Variants in PERM1 observed in about 807,000 individuals in gnomAD.
PERM1 encodes the protein PPARGC1 and ESRR induced regulator, muscle 1, also known as PGC-1 and ERR-induced regulator in muscle protein 1.
PERM1 carries 45 observed loss-of-function variants against 44.1 expected under a neutral mutation model. The ratio of observed to expected loss-of-function variants is 1.02; its 90% CI spans 0.80 to 1.31. PERM1 has a LOEUF of 1.31. Ranked by LOEUF, PERM1 falls within the 50% of genes most tolerant of loss-of-function variation. PERM1 has a pLI of 0.00. For missense variants in PERM1, 1,189 were observed against 1,106.9 expected, an observed-to-expected ratio of 1.07 and a Z score of -1.05; for synonymous variants, 565 against 477.1, an observed-to-expected ratio of 1.18 and a Z score of -2.40.
rs532401654 is a variant in PERM1 at position 979,536 on chromosome 1, G to T, written c.1494C>A (p.Val498=). The change falls in exon 1 of 3, where the codon GTC becomes GTA. Residue 498 remains valine (V), a synonymous_variant. Coordinates refer to ENST00000433179, the Ensembl canonical transcript of PERM1. ...AGAAGCGCACTTTCTTCTTCCTGGG[G>T]ACTTGGGTGAGACCCAGTGCGGGTG... 6.5e-6 allele frequency: 10 copies of T among 1,550,008 alleles called. No homozygotes were observed. The South Asian group carries it at 8.3e-5, about 13-fold the overall frequency.
chr1:980,186 TG>T lies in PERM1; in HGVS notation c.843del (p.Thr282ArgfsTer142), dbSNP rs1557660275. On this transcript the variant is annotated frameshift_variant, in exon 1 of 3. Coordinates refer to ENST00000433179, the Ensembl canonical transcript of PERM1. LOFTEE classifies it high-confidence loss of function. ...TCTGGGAGGGCTTCCCAGACAGTCG[TG>T]GACACTGTGTGCAGCTTGGCTCGGC... 1.9e-6 allele frequency: 3 copies of T among 1,550,418 alleles called. No homozygotes were observed. Among genetic ancestry groups the T allele is most frequent in the South Asian group, 2.4e-5 (2 of 84,062 alleles).
At chr1:976,253 G>C (rs1160505064) in exon 3 of PERM1, 1 of 1,526,370 alleles carries the variant, frequency 6.6e-7, no homozygotes, top group Non-Finnish European at 8.8e-7. Context: ...AGATGGTGCC[G>C]ACGTTGGCCA....
chr1:981,067 G>A (rs1003863211), upstream of PERM1: 3 of 1,545,994 alleles, frequency 1.9e-6, no homozygotes, highest in East Asian at 2.4e-5. Context: ...AGCAGAATGG[G>A]TCCGGTGGGG....
chr1:978,049 C>G lies in PERM1; in HGVS notation c.2149+832G>C, dbSNP rs865983788. ...CCAACCCCAGGAACCGCCTCCCAAC[C>G]CCCCCCAACCCCAGGAACTGCCTGC... On this transcript the variant is annotated intron_variant, in intron 1 of 2. Transcript: ENST00000433179. Among the ~76,000 whole-genome samples the G allele has an allele frequency of 9.9e-4, 9 of 9,122 alleles. 2 individuals carry two copies. The highest frequency in any genetic ancestry group is 1.2e-3 in the Non-Finnish European group (5 of 4,242). 6.0% of individuals were successfully genotyped at this position (9,122 alleles called of 152,430 possible).
chr1:981,036 T>G (rs1461970545), upstream of PERM1: 2 of 1,530,646 alleles, frequency 1.3e-6, no homozygotes, highest in Non-Finnish European at 1.8e-6. Context: ...CCATGTGGAG[T>G]CAGCAGAGGC....
At position 979,618 on chromosome 1, in the gene PERM1, TC is replaced by T. The variant is rs1643730913; in HGVS notation, c.1411del (p.Glu471ArgfsTer97). ...GGGCTCAGACACAACCGCCTCCATC[TC>T]CACCACATCAGGCCCAGCTCTGCGG... is the stretch of plus-strand genomic sequence containing the variant. On this transcript the variant is annotated frameshift_variant, in exon 1 of 3. Transcript: ENST00000433179. LOFTEE classifies it high-confidence loss of function. The T allele has an allele frequency of 6.5e-7, 1 of 1,550,118 alleles. No individual in the cohort carries two copies. The highest frequency in any genetic ancestry group is 8.7e-7 in the Non-Finnish European group (1 of 1,146,908).
Position 978,907 on chromosome 1 carries a change from C to T in PERM1, c.2123G>A (p.Arg708Gln), listed in dbSNP as rs767129412. The T allele has an allele frequency of 8.7e-6, 13 of 1,499,740 alleles. 1 individual carries two copies. The highest frequency in any genetic ancestry group is 2.6e-5 in the South Asian group (2 of 77,168). 92.9% of individuals were successfully genotyped at this position (1,499,740 alleles called of 1,614,324 possible). A position where few individuals can be genotyped will look rare whatever the true frequency, so the allele number is the denominator to read the frequency against. The change falls in exon 1 of 3, where the codon CGG (arginine) becomes CAG (glutamine). Residue 708 changes from arginine (R) to glutamine (Q), a missense_variant. Transcript: ENST00000433179. ...TGCCCGTCTAAGAGCCAGGTGGAGC[C>T]GCTCTACCACGGCTGGCTTGAGGGG...
chr1:980,961 A>G (rs980870564), exon 1 of PERM1: 14 of 1,467,148 alleles, frequency 9.5e-6, no homozygotes, highest in Non-Finnish European at 1.3e-5. Context: ...GGCCACACTC[A>G]TCGGCGGTGG....
chr1:979,379 G>A (rs977621906), exon 1 of PERM1: 17 of 1,502,492 alleles, frequency 1.1e-5, no homozygotes, highest in Middle Eastern at 1.8e-4. Flanking sequence ...CGAGGCTGGT[G>A]GGGCCGGGGC....
At chr1:976,305 C>T (rs1008420686) in intron 2 of PERM1, 36 bp from the exon 4 acceptor site, 9 of 1,471,940 alleles carry the variant, frequency 6.1e-6, no homozygotes, top group Non-Finnish European at 8.1e-6. Context: ...GAGGGCCAGC[C>T]TGGCTGTCGG....
In PERM1 at chr1:976,489, G is replaced by A; in HGVS notation, c.2275+10C>T. On this transcript the variant is annotated intron_variant, in intron 2 of 2. Coordinates refer to ENST00000433179, the Ensembl canonical transcript of PERM1. ...TAGGCGCAGCTCCCTCTGCCCCCAGGCACCCAAACCTGTTTTCCAGGCGTC... is the reference window on the plus strand; with the variant it reads ...TAGGCGCAGCTCCCTCTGCCCCCAGACACCCAAACCTGTTTTCCAGGCGTC... The A allele has an allele frequency of 6.5e-7, 1 of 1,549,476 alleles. No individual in the cohort carries two copies. Among genetic ancestry groups the A allele is most frequent in the Non-Finnish European group, 8.7e-7 (1 of 1,146,382 alleles).
At chr1:980,137 A>G (rs1570075618) in exon 1 of PERM1, 1 of 1,550,358 alleles carries the variant, frequency 6.5e-7, no homozygotes, top group Non-Finnish European at 8.7e-7. Context: ...AGACACAGCC[A>G]TGTCTGACTT....
exon 1 of PERM1, chr1:980,441 C>T: frequency 6.5e-7 from 1 of 1,544,494 alleles, no homozygotes; most frequent in Non-Finnish European, 8.7e-7. Flanking sequence ...GCAGAGGCTC[C>T]TGTGTGCCCA....
At chr1:981,067 G>T (rs1003863211), upstream of PERM1, 2 of 1,545,876 alleles carry the variant, frequency 1.3e-6, no homozygotes, top group East Asian at 4.9e-5. Flanking sequence ...AGCAGAATGG[G>T]TCCGGTGGGG....
rs1643611536 is a variant in PERM1 at position 976,486 on chromosome 1, C to T, written c.2275+13G>A. On this transcript the variant is annotated intron_variant, in intron 2 of 2. Coordinates refer to ENST00000433179, the Ensembl canonical transcript of PERM1. Reference sequence around the variant, plus strand: ...TTCTAGGCGCAGCTCCCTCTGCCCCCAGGCACCCAAACCTGTTTTCCAGGC... The same window carrying T: ...TTCTAGGCGCAGCTCCCTCTGCCCCTAGGCACCCAAACCTGTTTTCCAGGC... 3 of 1,549,400 alleles carry T rather than the reference C, an allele frequency of 1.9e-6. No individual in the cohort carries two copies. Among genetic ancestry groups the T allele is most frequent in the Admixed American group, 2.0e-5 (1 of 50,950 alleles).
chr1:979,686 A>G, exon 1 of PERM1: 1 of 1,550,304 alleles, frequency 6.5e-7, no homozygotes, highest in Non-Finnish European at 8.7e-7. Flanking sequence ...CTCTGGGAAC[A>G]GGTGTAGACA....
chr1:978,920 C>G, exon 1 of PERM1: 1 of 1,506,390 alleles, frequency 6.6e-7, no homozygotes, highest in African/African-American at 1.4e-5. Context: ...TCTACCACGG[C>G]TGGCTTGAGG....
exon 1 of PERM1, chr1:980,494 C>A: frequency 6.7e-7 from 1 of 1,503,420 alleles, no homozygotes. Flanking sequence ...TCGGCTGGGG[C>A]TCCGTGGTGG....
chr1:979,013 C>T (rs745715987), exon 1 of PERM1: 32 of 1,532,866 alleles, frequency 2.1e-5, no homozygotes, highest in South Asian at 7.3e-5. Context: ...GGCCCCAGCA[C>T]GCCCTCAAGC....
Sources: allele counts gnomAD v4.1 joint callset (sites outside exome capture counted in the v4.1 genomes callset), GRCh38; gene constraint gnomAD v4.1.1; transcripts MANE v1.5; gene names NCBI Gene and HGNC (gene_info 2026-07-23, HGNC 2026-07-21).